Variants in FANCM observed in about 807,000 individuals in gnomAD.
FANCM encodes the protein Fanconi anemia group M protein.
A neutral mutation model predicts 199.5 loss-of-function variants in FANCM; 140 were observed. The ratio of observed to expected loss-of-function variants is 0.70; its 90% CI spans 0.61 to 0.81. The LOEUF is 0.81. FANCM is among the 30% of genes least tolerant of loss of function. The probability of loss-of-function intolerance (pLI) is 0.00; values close to 1 mark genes in which losing one functional copy is unlikely to be tolerated. For missense variants in FANCM, 2,410 were observed against 2,421.4 expected (o/e 1.00, Z 0.10); for synonymous variants, 840 against 836.8 (o/e 1.00, Z -0.07).
intron 5 of FANCM, among the ~76,000 whole-genome samples, chr14:45,152,227 A>G (rs1410546639): frequency 6.6e-6 from 1 of 151,994 alleles, no homozygotes; most frequent in East Asian, 1.9e-4. Context: ...AGAGGGTTTC[A>G]TCATGTTGGC....
In FANCM at chr14:45,154,016, T is replaced by C. The variant is rs766761905; in HGVS notation, c.1147T>C (p.Tyr383His). ...LLQQMGMRSL[Y>H]FFLCGIMDGT... Reference sequence around the variant, plus strand: ...GCAGCAAATGGGAATGAGATCATTATATTTCTTCCTTTGTGGAATTATGGA... The same window carrying C: ...GCAGCAAATGGGAATGAGATCATTACATTTCTTCCTTTGTGGAATTATGGA... The change falls in exon 6 of 23, where the codon TAT becomes CAT. Residue 383 changes from tyrosine (Y) to histidine (H), a missense_variant. By Grantham distance (83) the Tyr-to-His change is moderately conservative (BLOSUM62 2). Transcript: ENST00000267430. 1 of 1,573,958 alleles carries C rather than the reference T, an allele frequency of 6.4e-7. No individual in the cohort carries two copies. Among genetic ancestry groups the C allele is most frequent in the South Asian group, 1.1e-5 (1 of 90,224 alleles).
At chr14:45,196,104 G>A in intron 20 of FANCM, 68 bp from the exon 21 acceptor site, 1 of 1,519,710 alleles carries the variant, frequency 6.6e-7, no homozygotes. Flanking sequence ...ATCAACTTCG[G>A]GTGTGAGACG....
Position 45,145,915 on chromosome 14 carries a change from C to T in FANCM, c.760-2922C>T, listed in dbSNP as rs368485156. ...TCTACTAAAAATACAAAAAATTAGCCGGGCGTAGTGGCGGGCGCCTGTAGT... is the reference window on the plus strand; with the variant it reads ...TCTACTAAAAATACAAAAAATTAGCTGGGCGTAGTGGCGGGCGCCTGTAGT... On this transcript the variant is annotated intron_variant, in intron 3 of 22. Coordinates refer to ENST00000267430, the MANE Select transcript of FANCM (RefSeq NM_020937.4). Among the ~76,000 whole-genome samples, 41 of 151,446 alleles carry T rather than the reference C, an allele frequency of 2.7e-4. No homozygotes were observed. The East Asian group carries it at 3.3e-3, about 12-fold the overall frequency.
In FANCM at chr14:45,198,677, G is replaced by T; in HGVS notation, c.5750G>T (p.Ser1917Ile). Reference protein sequence around the residue: ...DTSRMFRRTKSYDSLLTTLIG... With the variant: ...DTSRMFRRTKIYDSLLTTLIG... ...TCAAGGATGTTTAGGAGAACAAAGA[G>T]CTATGACAGCCTGCTGACTACCTTA... The change falls in exon 22 of 23, where the codon AGC becomes ATC. Residue 1917 changes from serine to isoleucine, a missense_variant. Ser to Ile is a moderately radical substitution (Grantham distance 142). Transcript: ENST00000267430. The T allele has an allele frequency of 6.2e-7, 1 of 1,613,470 alleles. No individual in the cohort carries two copies. The highest frequency in any genetic ancestry group is 1.1e-5 in the South Asian group (1 of 91,058).
intron 10 of FANCM, among the ~76,000 whole-genome samples, chr14:45,165,712 G>A (rs905949587): frequency 7.2e-5 from 11 of 152,100 alleles, no homozygotes; most frequent in African/African-American, 2.7e-4. Context: ...GTAAAAGGCC[G>A]TGTAATATCA....
intron 8 of FANCM, among the ~76,000 whole-genome samples, chr14:45,158,600 A>T (rs749831744): frequency 2.4e-4 from 36 of 152,154 alleles, no homozygotes; most frequent in Non-Finnish European, 4.1e-4. Context: ...GGGAAGACTT[A>T]TGAAATTAGG....
intron 3 of FANCM, 102 bp from the exon 4 acceptor site, chr14:45,148,735 G>A: frequency 1.4e-6 from 1 of 724,272 alleles, no homozygotes. Context: ...TAAATTTCTG[G>A]TGCTTCTTTC....
chr14:45,179,748 G>A (rs1888949124), intron 14 of FANCM, among the ~76,000 whole-genome samples: 1 of 151,882 alleles, frequency 6.6e-6, no homozygotes, highest in Admixed American at 6.6e-5. Context: ...TTTTAGTAGA[G>A]ATGGGGTATC....
intron 3 of FANCM, among the ~76,000 whole-genome samples, chr14:45,144,234 T>C (rs1243427889): frequency 1.3e-5 from 2 of 152,182 alleles, no homozygotes; most frequent in Non-Finnish European, 2.9e-5. Context: ...TTACTGACTA[T>C]AGTCACCCTA....
At position 45,170,387 on chromosome 14, in the gene FANCM, C is replaced by T. The variant is rs1043762342; in HGVS notation, c.2003-202C>T. On this transcript the variant is annotated intron_variant, in intron 11 of 22. Coordinates refer to ENST00000267430, the MANE Select transcript of FANCM (RefSeq NM_020937.4). ...ACAAAAAATAAGAAAAGTAGATGGG[C>T]CTGGTGGCATGAGCCTGTATTCCAG... Among the ~76,000 whole-genome samples the T allele has an allele frequency of 2.6e-5, 4 of 152,132 alleles. No homozygotes were observed. The South Asian group carries it at 6.2e-4, about 24-fold the overall frequency.
rs1890281026 is a variant in FANCM at position 45,200,083 on chromosome 14, T to C, written c.*75T>C. The C allele has an allele frequency of 1.6e-5, 14 of 868,098 alleles. No homozygotes were observed. The highest frequency in any genetic ancestry group is 2.5e-5 in the Non-Finnish European group (14 of 564,718). 53.8% of individuals were successfully genotyped at this position (868,098 alleles called of 1,614,324 possible). A position where few individuals can be genotyped will look rare whatever the true frequency, so the allele number is the denominator to read the frequency against. On this transcript the variant is annotated 3_prime_UTR_variant, in exon 23 of 23. Coordinates refer to ENST00000267430, the MANE Select transcript of FANCM (RefSeq NM_020937.4). ...CACTTCAATAATCATTGCTGTTTTA[T>C]GTTTATTTGTAAATAAGAGAATATT...
At chr14:45,145,153 C>T (rs1360769967) in intron 3 of FANCM, among the ~76,000 whole-genome samples, 2 of 151,624 alleles carry the variant, frequency 1.3e-5, no homozygotes, top group Non-Finnish European at 2.9e-5. Flanking sequence ...GGAACGGAGA[C>T]CTCATGACTC....
At position 45,154,066 on chromosome 14, in the gene FANCM, A is replaced by G. The variant is rs754930910; in HGVS notation, c.1183+14A>G. On this transcript the variant is annotated intron_variant, in intron 6 of 22. Coordinates refer to ENST00000267430, the MANE Select transcript of FANCM (RefSeq NM_020937.4). ...ATGGAACTAAAGGTAAATTATATCAAATTATTTAAAGAAATAATGACATGT... is the reference window on the plus strand; with the variant it reads ...ATGGAACTAAAGGTAAATTATATCAGATTATTTAAAGAAATAATGACATGT... 3 of 1,502,642 alleles carry G rather than the reference A, an allele frequency of 2.0e-6. No individual in the cohort carries two copies. The highest frequency in any genetic ancestry group is 2.8e-5 in the African/African-American group (2 of 72,644). 93.1% of individuals were successfully genotyped at this position (1,502,642 alleles called of 1,614,324 possible).
intron 12 of FANCM, among the ~76,000 whole-genome samples, chr14:45,172,150 A>G (rs1180832336): frequency 1.3e-5 from 2 of 151,978 alleles, no homozygotes; most frequent in Admixed American, 6.6e-5. Context: ...TGGCCATTTG[A>G]GTTCCTTATA....
intron 22 of FANCM, among the ~76,000 whole-genome samples, chr14:45,199,343 CTG>C (rs1890238183): frequency 6.6e-6 from 1 of 152,168 alleles, no homozygotes; most frequent in African/African-American, 2.4e-5. Context: ...ACATCAGATA[CTG>C]TCTTAGCTCA....
intron 2 of FANCM, 145 bp downstream of exon 2, chr14:45,137,386 G>A (rs1009844819): frequency 3.0e-6 from 2 of 673,866 alleles, no homozygotes; most frequent in African/African-American, 3.6e-5. Flanking sequence ...TGGTGATAAA[G>A]AATATCTGTA....
intron 9 of FANCM, among the ~76,000 whole-genome samples, chr14:45,160,276 G>C (rs2139190668): frequency 6.6e-6 from 1 of 150,822 alleles, no homozygotes; most frequent in South Asian, 2.1e-4. Flanking sequence ...TTACAGGCAT[G>C]AGCCACCTCG....
intron 18 of FANCM, among the ~76,000 whole-genome samples, chr14:45,186,698 A>T (rs1889422930): frequency 6.6e-6 from 1 of 152,222 alleles, no homozygotes; most frequent in South Asian, 2.1e-4. Context: ...AATATAATCC[A>T]GTGGAAGAAT....
intron 22 of FANCM, 151 bp from the exon 23 acceptor site, chr14:45,199,719 T>C (rs1293137215): frequency 1.6e-6 from 1 of 610,892 alleles, no homozygotes; most frequent in East Asian, 2.9e-5. Flanking sequence ...AGCTCTTTTA[T>C]CCAAACTAAT....
Sources: allele counts gnomAD v4.1 joint callset (sites outside exome capture counted in the v4.1 genomes callset), GRCh38; gene constraint gnomAD v4.1.1; transcripts MANE v1.5; gene names NCBI Gene and HGNC (gene_info 2026-07-23, HGNC 2026-07-21).